WHRN: variants seen among roughly 807,000 people sequenced by gnomAD.
The protein encoded by WHRN is CASK-interacting protein CIP98.
In WHRN, 41 loss-of-function variants were observed where a neutral mutation model predicts 68.3. That is an observed-to-expected ratio of 0.60 (90% CI 0.47 to 0.78). The LOEUF (loss-of-function observed/expected upper bound fraction) is 0.78. Among genes scored for constraint, WHRN ranks in the 30% least tolerant of loss-of-function variants. The probability of loss-of-function intolerance (pLI) is 0.00; values close to 1 mark genes in which losing one functional copy is unlikely to be tolerated. For missense variants in WHRN, 1,243 were observed against 1,244.7 expected (o/e 1.00, Z 0.02); for synonymous variants, 560 against 561.3 (o/e 1.00, Z 0.03).
intron 7 of WHRN, among the ~76,000 whole-genome samples, chr9:114,421,992 A>T (rs748556680): frequency 4.7e-4 from 71 of 152,336 alleles, no homozygotes; most frequent in Non-Finnish European, 7.8e-4. Flanking sequence ...TCCCAGGGCT[A>T]AAGAAAAGCC....
At chr9:114,438,824 T>C (rs1021057947) in intron 3 of WHRN, among the ~76,000 whole-genome samples, 4 of 152,166 alleles carry the variant, frequency 2.6e-5, no homozygotes, top group African/African-American at 9.7e-5. Context: ...TGCACACAGT[T>C]ACTCACTGAA....
At chr9:114,443,975 A>G (rs760948710) in intron 3 of WHRN, among the ~76,000 whole-genome samples, 4 of 152,220 alleles carry the variant, frequency 2.6e-5, no homozygotes, top group Non-Finnish European at 5.9e-5. Context: ...ACCCCTTATA[A>G]AATCATGGGC....
At position 114,423,448 on chromosome 9, in the gene WHRN, G is replaced by C; in HGVS notation, c.1492C>G (p.Arg498Gly). The C allele has an allele frequency of 6.2e-7, 1 of 1,614,084 alleles. No homozygotes were observed. The highest frequency in any genetic ancestry group is 8.5e-7 in the Non-Finnish European group (1 of 1,180,022). Residue 498 changes from arginine (R) to glycine (G), a missense_variant, in exon 7 of 12, where the codon CGT becomes GGT. Transcript: ENST00000362057. ...CGCGCCTTCATGGACTCAATCTCAC[G>C]CCTCAGCACCAGGTGGTCGAAGCGT... is the stretch of plus-strand genomic sequence containing the variant. ...LERFDHLVLR[R>G]EIESMKARQP...
Position 114,504,818 on chromosome 9 carries a change from G to T in WHRN, c.-17C>A. On this transcript the variant is annotated 5_prime_UTR_variant, in exon 1 of 12. Transcript: ENST00000362057. ...CGCGTTCATCTCCACGCCGAGGCCC[G>T]GCCGGGCTCTGAGCGCGCGGGGTGT... 7.2e-7 allele frequency: 1 copy of T among 1,393,060 alleles called. No homozygotes were observed. Among genetic ancestry groups the T allele is most frequent in the Non-Finnish European group, 9.2e-7 (1 of 1,086,354 alleles). The allele number at this position is 1,393,060 out of a possible 1,614,324, so 86.3% of individuals were successfully genotyped here.
intron 2 of WHRN, among the ~76,000 whole-genome samples, chr9:114,470,590 C>T (rs928858681): frequency 2.0e-5 from 3 of 152,072 alleles, no homozygotes; most frequent in Non-Finnish European, 4.4e-5. Context: ...GGTGGTCTTA[C>T]GATGGTGGTG....
At chr9:114,491,798 C>G (rs1842994988) in intron 1 of WHRN, 1 of 263,354 alleles carries the variant, frequency 3.8e-6, no homozygotes, top group Middle Eastern at 4.2e-4. Context: ...GGAGCCAGTC[C>G]CACCATGCCC....
At chr9:114,443,638 T>C (rs1838574440) in intron 3 of WHRN, among the ~76,000 whole-genome samples, 2 of 152,212 alleles carry the variant, frequency 1.3e-5, no homozygotes, top group African/African-American at 2.4e-5. Flanking sequence ...CTCTGCCATA[T>C]AACCTAACAT....
chr9:114,479,617 T>C (rs1589232001), intron 1 of WHRN, among the ~76,000 whole-genome samples: 2 of 152,330 alleles, frequency 1.3e-5, no homozygotes, highest in Admixed American at 1.3e-4. Context: ...AGGGCTTGTA[T>C]GTGTCGGCCA....
At chr9:114,467,962 G>A (rs1394819794) in intron 2 of WHRN, among the ~76,000 whole-genome samples, 1 of 152,148 alleles carries the variant, frequency 6.6e-6, no homozygotes, top group Non-Finnish European at 1.5e-5. Context: ...TTTCTATTTC[G>A]GAAGTTATTC....
Position 114,504,943 on chromosome 9 carries a change from T to A in WHRN, c.-142A>T. The A allele has an allele frequency of 8.2e-7, 1 of 1,218,552 alleles. No homozygotes were observed. Among genetic ancestry groups the A allele is most frequent in the Non-Finnish European group, 1.0e-6 (1 of 953,688 alleles). 75.5% of individuals were successfully genotyped at this position (1,218,552 alleles called of 1,614,324 possible). On this transcript the variant is annotated 5_prime_UTR_variant, in exon 1 of 12. Coordinates refer to ENST00000362057, the MANE Select transcript of WHRN (RefSeq NM_015404.4). ...CTGGGTTTGGGGAGCACGGGTACAG[T>A]GGCTGGATCCTAGGGGGTCGCGGAG...
intron 2 of WHRN, 95 bp downstream of exon 2, chr9:114,478,458 C>G: frequency 7.4e-7 from 1 of 1,353,608 alleles, no homozygotes; most frequent in Non-Finnish European, 1.1e-6. Flanking sequence ...ACAGAACCAG[C>G]CTCTTCTTGC....
chr9:114,453,420 G>C (rs559324599), intron 3 of WHRN, among the ~76,000 whole-genome samples: 1 of 152,092 alleles, frequency 6.6e-6, no homozygotes, highest in Non-Finnish European at 1.5e-5. Context: ...CATGAGATTC[G>C]GAGAGGACAA....
intron 2 of WHRN, among the ~76,000 whole-genome samples, chr9:114,470,920 C>G (rs942535202): frequency 6.6e-6 from 1 of 151,852 alleles, no homozygotes; most frequent in African/African-American, 2.4e-5. Flanking sequence ...CCCAGGAACA[C>G]GCAGATGGCA....
At chr9:114,433,574 T>A (rs1445796518) in intron 3 of WHRN, among the ~76,000 whole-genome samples, 1 of 152,206 alleles carries the variant, frequency 6.6e-6, no homozygotes. Flanking sequence ...CCATGTCAGG[T>A]GTAAAACTTT....
chr9:114,467,178 C>T (rs10982232), intron 2 of WHRN, among the ~76,000 whole-genome samples: 57,526 of 151,128 alleles, frequency 0.38, 12,818 homozygotes, highest in East Asian at 0.62. Flanking sequence ...TTTCTCCTGA[C>T]GTCTGCTGTC....
At position 114,505,067 on chromosome 9, in the gene WHRN, G is replaced by A. The variant is rs528637004; in HGVS notation, c.-266C>T. 3.0e-5 allele frequency: 13 copies of A among 427,520 alleles called. No homozygotes were observed. Among genetic ancestry groups the A allele is most frequent in the African/African-American group, 2.7e-4 (13 of 48,116 alleles). The allele number at this position is 427,520 out of a possible 1,614,324, so 26.5% of individuals were successfully genotyped here. On this transcript the variant is annotated 5_prime_UTR_variant, in exon 1 of 12. Coordinates refer to ENST00000362057, the MANE Select transcript of WHRN (RefSeq NM_015404.4). Reference sequence around the variant, plus strand: ...CGGCGGGTTCCTGAGAGACACAAGAGTTGGCTGCTGGAGCCCGGAGGTGGC... The same window carrying A: ...CGGCGGGTTCCTGAGAGACACAAGAATTGGCTGCTGGAGCCCGGAGGTGGC...
At chr9:114,415,785 T>C (rs375425039) in intron 7 of WHRN, among the ~76,000 whole-genome samples, 204 of 152,226 alleles carry the variant, frequency 1.3e-3, no homozygotes, top group African/African-American at 2.2e-3. Flanking sequence ...AAGGAATACA[T>C]GGAGTTCCTC....
chr9:114,477,855 C>G (rs148803320), intron 2 of WHRN, among the ~76,000 whole-genome samples: 227 of 152,310 alleles, frequency 1.5e-3, no homozygotes, highest in Non-Finnish European at 2.6e-3. Context: ...TGGCCACATT[C>G]CTGGCAGCTA....
At position 114,504,265 on chromosome 9, in the gene WHRN, C is replaced by A; in HGVS notation, c.537G>T (p.Lys179Asn). 2 of 1,614,168 alleles carry A rather than the reference C, an allele frequency of 1.2e-6. No homozygotes were observed. The highest frequency in any genetic ancestry group is 1.7e-6 in the Non-Finnish European group (2 of 1,180,046). Residue 179 changes from lysine to asparagine, a missense_variant, in exon 1 of 12, where the codon AAG (lysine) becomes AAT (asparagine). Lys to Asn is a moderately conservative substitution (Grantham distance 94, BLOSUM62 0). Transcript: ENST00000362057. ...TCTGGTCCCCGACCCGCAGTCCTTC[C>A]TTCTCAGCTAGAGAGCCTGGTTCCA... Reference protein sequence around the residue: ...SLVEPGSLAEKEGLRVGDQIL... With the variant: ...SLVEPGSLAENEGLRVGDQIL...
Sources: gnomAD v4.1 joint callset for allele counts (sites outside exome capture counted in the v4.1 genomes callset) on GRCh38, gnomAD v4.1.1 for gene constraint, MANE v1.5 for transcripts, NCBI Gene and HGNC (gene_info 2026-07-23, HGNC 2026-07-21) for gene names.